Variants in WDR64 observed in about 807,000 individuals in gnomAD.
WDR64 encodes WD repeat-containing protein 64.
In WDR64, 112 loss-of-function variants were observed where a neutral mutation model predicts 139.3. The ratio of observed to expected loss-of-function variants is 0.80; its 90% CI spans 0.69 to 0.94. The LOEUF is 0.94. Among genes scored for constraint, WDR64 ranks in the 40% least tolerant of loss-of-function variants. The pLI is 0.00. For missense variants in WDR64, 1,206 were observed against 1,293.1 expected, an observed-to-expected ratio of 0.93 and a Z score of 1.03; for synonymous variants, 444 against 437.7, an observed-to-expected ratio of 1.01 and a Z score of -0.18.
intron 13 of WDR64, 76 bp downstream of exon 13, chr1:241,744,592 T>C (rs1669682185): frequency 6.3e-7 from 1 of 1,586,032 alleles, no homozygotes; most frequent in South Asian, 1.2e-5. Context: ...TTTCGTTCTT[T>C]AGGGTAGAAG....
At position 241,660,765 on chromosome 1, in the gene WDR64, C is replaced by T. The variant is rs564013323; in HGVS notation, c.276+105C>T. 1.0e-4 allele frequency: 132 copies of T among 1,259,684 alleles called. 2 individuals are homozygous for T. The South Asian group carries it at 1.6e-3, about 15-fold the overall frequency. The allele number at this position is 1,259,684 out of a possible 1,614,324, so 78.0% of individuals were successfully genotyped here. ...TACTGCCACAGGGGTTGAACCACAA[C>T]GTGCATGTGTCAGTTTCAATACCTA... On this transcript the variant is annotated intron_variant, in intron 2 of 27. Transcript: ENST00000437684.
intron 10 of WDR64, among the ~76,000 whole-genome samples, chr1:241,731,663 C>T (rs1469769735): frequency 1.3e-5 from 2 of 152,032 alleles, no homozygotes; most frequent in African/African-American, 4.8e-5. Flanking sequence ...GGAGGACTTT[C>T]GTTTTTGTAC....
At chr1:241,665,354 T>C (rs558648682) in intron 2 of WDR64, among the ~76,000 whole-genome samples, 1 of 152,336 alleles carries the variant, frequency 6.6e-6, no homozygotes. Flanking sequence ...ATCTGTAAAA[T>C]GGAAATTCAA....
intron 8 of WDR64, among the ~76,000 whole-genome samples, chr1:241,704,862 T>G (rs1667871220): frequency 6.6e-6 from 1 of 152,214 alleles, no homozygotes; most frequent in African/African-American, 2.4e-5. Flanking sequence ...TGGAGAGGAT[T>G]GCTCTAGACC....
chr1:241,681,265 AC>A, intron 6 of WDR64, among the ~76,000 whole-genome samples: 1 of 151,420 alleles, frequency 6.6e-6, no homozygotes, highest in Non-Finnish European at 1.5e-5. Context: ...TTTATCCCTT[AC>A]CCCCTTCCCA....
intron 1 of WDR64, among the ~76,000 whole-genome samples, chr1:241,655,693 T>C (rs1264655207): frequency 2.3e-5 from 1 of 44,134 alleles, no homozygotes; most frequent in Admixed American, 2.1e-4. Context: ...ATGGAGTGCC[T>C]TTTTTTCTTT....
At chr1:241,687,321 A>G in intron 7 of WDR64, 140 bp from the exon 8 acceptor site, 12 of 799,386 alleles carry the variant, frequency 1.5e-5, no homozygotes, top group Non-Finnish European at 1.9e-5. Context: ...AAAAAAAAAA[A>G]GGTGTTATAA....
chr1:241,679,608 G>C lies in WDR64; in HGVS notation c.624+13G>C. 1 of 1,547,052 alleles carries C rather than the reference G, an allele frequency of 6.5e-7. No homozygotes were observed. Among genetic ancestry groups the C allele is most frequent in the Non-Finnish European group, 8.8e-7 (1 of 1,142,764 alleles). On this transcript the variant is annotated intron_variant, in intron 6 of 27. Coordinates refer to ENST00000437684, the MANE Select transcript of WDR64 (RefSeq NM_001367482.1). ...AGGGAGCAGCCAGGTATTGTGCCAA[G>C]AGAAATACTCAAAGAAATGAGATTG...
chr1:241,701,297 C>T (rs1434386318), intron 8 of WDR64, among the ~76,000 whole-genome samples: 1 of 143,628 alleles, frequency 7.0e-6, no homozygotes, highest in African/African-American at 3.0e-5. Context: ...CACACACACT[C>T]ACACACACAG....
chr1:241,739,538 A>G (rs1026260206), intron 11 of WDR64, among the ~76,000 whole-genome samples: 1 of 152,196 alleles, frequency 6.6e-6, no homozygotes, highest in African/African-American at 2.4e-5. Flanking sequence ...GTAAACACCT[A>G]TTCTCTGTTT....
intron 10 of WDR64, among the ~76,000 whole-genome samples, chr1:241,728,571 A>G (rs751303606): frequency 1.3e-5 from 2 of 152,162 alleles, no homozygotes; most frequent in African/African-American, 2.4e-5. Flanking sequence ...TCTTTCTCCT[A>G]ATTTTGCAGT....
chr1:241,740,661 T>TC (rs2148242176), intron 11 of WDR64, among the ~76,000 whole-genome samples: 1 of 152,130 alleles, frequency 6.6e-6, no homozygotes, highest in African/African-American at 2.4e-5. Context: ...CTTTTTTTTT[T>TC]TTTAATCTTA....
intron 10 of WDR64, among the ~76,000 whole-genome samples, chr1:241,728,938 A>G (rs1668965406): frequency 6.6e-6 from 1 of 152,142 alleles, no homozygotes; most frequent in Admixed American, 6.6e-5. Flanking sequence ...AGTGGTATGT[A>G]GAAACCTGAG....
intron 8 of WDR64, among the ~76,000 whole-genome samples, chr1:241,705,303 A>G (rs1266961920): frequency 2.0e-5 from 3 of 151,940 alleles, no homozygotes; most frequent in Non-Finnish European, 4.4e-5. Flanking sequence ...GCACTTTGGG[A>G]GGCCAAGGAG....
chr1:241,678,164 T>C (rs1056486354), intron 4 of WDR64, 23 bp from the exon 5 acceptor site: 1 of 398,754 alleles, frequency 2.5e-6, no homozygotes, highest in Non-Finnish European at 4.4e-6. Context: ...CTAGGTTTCA[T>C]TATTCTCTTC....
rs1252563315 is a variant in WDR64 at position 241,801,449 on chromosome 1, A to C, written c.*234A>C. Reference sequence around the variant, plus strand: ...GCGGTGTTTCTTATTTACTGTCAGCAAACTGACACATAAGAAAACAAATGA... The same window carrying C: ...GCGGTGTTTCTTATTTACTGTCAGCCAACTGACACATAAGAAAACAAATGA... On this transcript the variant is annotated 3_prime_UTR_variant, in exon 28 of 28. Transcript: ENST00000437684. 39 of 480,142 alleles carry C rather than the reference A, an allele frequency of 8.1e-5. No individual in the cohort carries two copies. In the East Asian group the frequency reaches 1.1e-3, roughly 14 times the overall value. 29.7% of individuals were successfully genotyped at this position (480,142 alleles called of 1,614,324 possible). A position where few individuals can be genotyped will look rare whatever the true frequency, so the allele number is the denominator to read the frequency against.
intron 9 of WDR64, among the ~76,000 whole-genome samples, chr1:241,713,936 G>A (rs1668297420): frequency 6.6e-6 from 1 of 152,234 alleles, no homozygotes; most frequent in Non-Finnish European, 1.5e-5. Context: ...TAGCAATTGT[G>A]TTGATAGTTG....
At chr1:241,725,432 G>A (rs111404909) in intron 10 of WDR64, among the ~76,000 whole-genome samples, 1 of 145,792 alleles carries the variant, frequency 6.9e-6, no homozygotes, top group African/African-American at 2.5e-5. Flanking sequence ...CTCCCTCCTC[G>A]TACACCCCCT....
rs1658522184 is a variant in WDR64, at chr1:241,773,071, C to T, written c.2430+140C>T. The T allele has an allele frequency of 8.1e-6, 9 of 1,106,242 alleles. No homozygotes were observed. The East Asian group carries it at 2.0e-4, about 24-fold the overall frequency. The allele number at this position is 1,106,242 out of a possible 1,614,324, so 68.5% of individuals were successfully genotyped here. The stretch of plus-strand genomic sequence containing the variant: ...TCTAGCCAAATTGCTGATCTTGCAG[C>T]CTGTTTATTGATAACGCTATCCAAA... On this transcript the variant is annotated intron_variant, in intron 20 of 27. Coordinates refer to ENST00000437684, the MANE Select transcript of WDR64 (RefSeq NM_001367482.1).
Sources: allele counts gnomAD v4.1 joint callset (sites outside exome capture counted in the v4.1 genomes callset), GRCh38; gene constraint gnomAD v4.1.1; transcripts MANE v1.5; gene names NCBI Gene and HGNC (gene_info 2026-07-23, HGNC 2026-07-21).